Variants in BBS9 observed in about 807,000 individuals in gnomAD.
The protein encoded by BBS9 is Bardet-Biedl syndrome 9.
BBS9 carries 89 observed loss-of-function variants against 117.7 expected under a neutral mutation model. The observed-to-expected ratio is 0.76, with a 90% CI of 0.64 to 0.90. The LOEUF is 0.90. Ranked by LOEUF, BBS9 falls within the 40% of genes least tolerant of loss-of-function variation. The pLI, the probability that BBS9 is intolerant of heterozygous loss-of-function variation, is 0.00. For synonymous variants in BBS9, 379 were observed against 370.9 expected (o/e 1.02, Z -0.25); for missense variants, 982 against 1,042.2 (o/e 0.94, Z 0.80).
chr7:33,169,391 C>A (rs1208945275), intron 4 of BBS9, among the ~76,000 whole-genome samples: 2 of 151,766 alleles, frequency 1.3e-5, no homozygotes, highest in African/African-American at 4.8e-5. Flanking sequence ...GCCATACTGA[C>A]TTCCACAATG....
At chr7:33,384,140 G>A (rs754098533) in intron 18 of BBS9, among the ~76,000 whole-genome samples, 2 of 152,200 alleles carry the variant, frequency 1.3e-5, no homozygotes, top group Non-Finnish European at 2.9e-5. Flanking sequence ...AAAACTATTT[G>A]AGCTTATCGG....
At chr7:33,461,645 T>C (rs1243237038) in intron 19 of BBS9, among the ~76,000 whole-genome samples, 1 of 151,954 alleles carries the variant, frequency 6.6e-6, no homozygotes, top group Non-Finnish European at 1.5e-5. Flanking sequence ...ATTTTCCATA[T>C]GACTTCATGA....
intron 21 of BBS9, among the ~76,000 whole-genome samples, chr7:33,622,105 G>T (rs984837250): frequency 6.6e-6 from 1 of 152,182 alleles, no homozygotes. Context: ...AGCTACTCCA[G>T]AGGCTGAGGT....
intron 21 of BBS9, among the ~76,000 whole-genome samples, chr7:33,601,020 A>G (rs374090621): frequency 6.6e-6 from 1 of 152,206 alleles, no homozygotes; most frequent in South Asian, 2.1e-4. Flanking sequence ...GATCTGGGGT[A>G]ACATTGTAGG....
rs193076664 is a variant in BBS9 at position 33,383,102 on chromosome 7, G to C, written c.1790-564G>C. On this transcript the variant is annotated intron_variant, in intron 17 of 22. Coordinates refer to ENST00000242067, the MANE Select transcript of BBS9 (RefSeq NM_198428.3). Reference sequence around the variant, plus strand: ...TAGAAATTGGTCATCTTGGAGTAGTGGAGCTGAGGTCTCAGGGAATAAAGG... The same window carrying C: ...TAGAAATTGGTCATCTTGGAGTAGTCGAGCTGAGGTCTCAGGGAATAAAGG... Among the ~76,000 whole-genome samples the C allele has an allele frequency of 5.0e-3, 754 of 152,178 alleles. 10 individuals are homozygous for C. Among genetic ancestry groups the C allele is most frequent in the African/African-American group, 0.017 (711 of 41,534 alleles).
At chr7:33,211,507 C>A (rs10951380) in intron 5 of BBS9, among the ~76,000 whole-genome samples, 22,255 of 151,874 alleles carry the variant, frequency 0.15, 1,971 homozygotes, top group South Asian at 0.23. Context: ...GTTATTATCC[C>A]CCTGCTTTTT....
At chr7:33,361,119 A>G (rs1309780197) in intron 16 of BBS9, among the ~76,000 whole-genome samples, 2 of 152,178 alleles carry the variant, frequency 1.3e-5, no homozygotes, top group Non-Finnish European at 2.9e-5. Flanking sequence ...AGGTTTCAAT[A>G]GCCATAATTT....
At chr7:33,515,535 A>G (rs1022591271) in intron 20 of BBS9, among the ~76,000 whole-genome samples, 2 of 152,172 alleles carry the variant, frequency 1.3e-5, no homozygotes, top group Admixed American at 1.3e-4. Flanking sequence ...TTTCCTCCTC[A>G]GTTGAACTGT....
intron 21 of BBS9, among the ~76,000 whole-genome samples, chr7:33,620,598 A>C (rs1040447779): frequency 3.3e-5 from 5 of 152,150 alleles, no homozygotes; most frequent in African/African-American, 1.2e-4. Flanking sequence ...GGAAAAAAAC[A>C]CAAATGAAAA....
intron 19 of BBS9, among the ~76,000 whole-genome samples, chr7:33,437,516 A>G (rs1835481158): frequency 6.6e-6 from 1 of 152,218 alleles, no homozygotes; most frequent in African/African-American, 2.4e-5. Context: ...ATTGATTTAT[A>G]TTGAAGATTA....
At chr7:33,322,152 T>C (rs1023962413) in intron 9 of BBS9, among the ~76,000 whole-genome samples, 4 of 152,010 alleles carry the variant, frequency 2.6e-5, no homozygotes, top group African/African-American at 9.7e-5. Context: ...TTTGCATCAA[T>C]GTTCATCAGT....
rs1444298831 is a variant in BBS9, at chr7:33,220,792, A to C, written c.443-36444A>C. On this transcript the variant is annotated intron_variant, in intron 5 of 22. Coordinates refer to ENST00000242067, the MANE Select transcript of BBS9 (RefSeq NM_198428.3). ...AGTGCCCTTTTTAATTCTCACATTT[A>C]CATGGAGTAATAATAACAAAAATGA... Among the ~76,000 whole-genome samples the C allele has an allele frequency of 3.3e-5, 5 of 152,370 alleles. No individual in the cohort carries two copies. The East Asian group carries it at 9.6e-4, about 29-fold the overall frequency.
chr7:33,307,392 A>G (rs1299335769), intron 9 of BBS9, among the ~76,000 whole-genome samples: 1 of 152,166 alleles, frequency 6.6e-6, no homozygotes, highest in Non-Finnish European at 1.5e-5. Flanking sequence ...TTTATCATAA[A>G]CCATCTAGAA....
At chr7:33,556,655 A>G (rs576341860) in intron 21 of BBS9, among the ~76,000 whole-genome samples, 2 of 152,192 alleles carry the variant, frequency 1.3e-5, no homozygotes, top group Non-Finnish European at 2.9e-5. Flanking sequence ...AGCTATTCAC[A>G]TTTGAAGACC....
chr7:33,466,007 T>A (rs1206633351), intron 19 of BBS9, among the ~76,000 whole-genome samples: 1 of 152,100 alleles, frequency 6.6e-6, no homozygotes, highest in East Asian at 1.9e-4. Context: ...TTTATTGAAG[T>A]GTACCTGACA....
intron 21 of BBS9, among the ~76,000 whole-genome samples, chr7:33,555,405 G>A (rs1010003850): frequency 6.6e-6 from 1 of 152,130 alleles, no homozygotes; most frequent in Non-Finnish European, 1.5e-5. Context: ...AAGCAGGCTT[G>A]GTCTCTGCCA....
At chr7:33,622,783 G>A (rs982936999) in intron 21 of BBS9, among the ~76,000 whole-genome samples, 2 of 152,102 alleles carry the variant, frequency 1.3e-5, no homozygotes, top group African/African-American at 4.8e-5. Flanking sequence ...GAAACAGAAT[G>A]TCCAAATATG....
At chr7:33,472,320 A>G (rs1410173387) in intron 19 of BBS9, among the ~76,000 whole-genome samples, 3 of 152,230 alleles carry the variant, frequency 2.0e-5, no homozygotes, top group African/African-American at 7.2e-5. Flanking sequence ...TTGATCATGG[A>G]GGATTTTATT....
chr7:33,413,912 T>C (rs1831555693), intron 19 of BBS9, among the ~76,000 whole-genome samples: 1 of 152,202 alleles, frequency 6.6e-6, no homozygotes, highest in Admixed American at 6.5e-5. Context: ...TAATCCCAGC[T>C]ACTCAGGAGG....
Sources: allele counts gnomAD v4.1 joint callset (sites outside exome capture counted in the v4.1 genomes callset), GRCh38; gene constraint gnomAD v4.1.1; transcripts MANE v1.5; gene names NCBI Gene and HGNC (gene_info 2026-07-23, HGNC 2026-07-21).